CFAP43: variants seen among roughly 807,000 people sequenced by gnomAD.
The protein encoded by CFAP43 is cilia and flagella associated protein 43.
In CFAP43, 155 loss-of-function variants were observed where a neutral mutation model predicts 218.9. The observed-to-expected ratio is 0.71, with a 90% CI of 0.62 to 0.81. The LOEUF (loss-of-function observed/expected upper bound fraction) is 0.81. Among genes scored for constraint, CFAP43 ranks in the 30% least tolerant of loss-of-function variants. CFAP43 has a pLI of 0.00. For synonymous variants in CFAP43, 645 were observed against 681.3 expected, an observed-to-expected ratio of 0.95 and a Z score of 0.83; for missense variants, 1,778 against 1,954.3, an observed-to-expected ratio of 0.91 and a Z score of 1.70.
chr10:104,141,743 G>A (rs2087716184), intron 33 of CFAP43, among the ~76,000 whole-genome samples: 1 of 151,954 alleles, frequency 6.6e-6, no homozygotes, highest in African/African-American at 2.4e-5. Flanking sequence ...TCATATCCTC[G>A]CTATAGCCTA....
rs1209152722 is a variant in CFAP43, at chr10:104,172,438, T to C, written c.2558A>G (p.His853Arg). 1 of 1,609,970 alleles carries C rather than the reference T, an allele frequency of 6.2e-7. No individual in the cohort carries two copies. The highest frequency in any genetic ancestry group is 8.5e-7 in the Non-Finnish European group (1 of 1,179,032). The part of the protein sequence containing the change: ...GLDLEELERL[H>R]DESQEEVAKM... Reference sequence around the variant, plus strand: ...TGCCACTTCTTCCTGACTTTCATCATGAAGCCTTTCTAGTTCCTCAAGATC... The same window carrying C: ...TGCCACTTCTTCCTGACTTTCATCACGAAGCCTTTCTAGTTCCTCAAGATC... Residue 853 changes from histidine to arginine, a missense_variant, in exon 20 of 38, where the codon CAT becomes CGT. By Grantham distance (29) the His-to-Arg change is conservative (BLOSUM62 0). Around this residue, in one of 3 missense-constraint regions of CFAP43, gnomAD observed 1,553 missense variants for 1,685.2 expected, o/e 0.92. Transcript: ENST00000357060.
intron 28 of CFAP43, 95 bp downstream of exon 28, chr10:104,152,512 C>T: frequency 6.4e-7 from 1 of 1,554,340 alleles, no homozygotes; most frequent in South Asian, 1.2e-5. Context: ...CATACAAGAT[C>T]TTAGTACCTG....
intron 26 of CFAP43, 146 bp from the exon 27 acceptor site, chr10:104,161,308 AG>A: frequency 1.2e-6 from 1 of 853,162 alleles, no homozygotes; most frequent in South Asian, 2.0e-5. Context: ...CTTGGGCAAA[AG>A]ATATTTTAAA....
At position 104,130,099 on chromosome 10, in the gene CFAP43, T is replaced by G. The variant is rs1213491249; in HGVS notation, c.*40A>C. On this transcript the variant is annotated 3_prime_UTR_variant, in exon 38 of 38. Coordinates refer to ENST00000357060, the MANE Select transcript of CFAP43 (RefSeq NM_025145.7). ...ATTTTACCCAAATGAAATGATTTTTTAAATGATTGATTTGGCCTTGTGTTT... is the reference window on the plus strand; with the variant it reads ...ATTTTACCCAAATGAAATGATTTTTGAAATGATTGATTTGGCCTTGTGTTT... The G allele has an allele frequency of 2.6e-6, 4 of 1,536,256 alleles. No individual in the cohort carries two copies. Among genetic ancestry groups the G allele is most frequent in the African/African-American group, 1.4e-5 (1 of 71,002 alleles).
At chr10:104,206,862 G>A (rs557282083) in intron 6 of CFAP43, among the ~76,000 whole-genome samples, 2 of 152,232 alleles carry the variant, frequency 1.3e-5, no homozygotes, top group East Asian at 1.9e-4. Flanking sequence ...AATAGATCAG[G>A]TTATCTTTCA....
Position 104,161,169 on chromosome 10 carries a change from A to G in CFAP43, c.3415-7T>C. ...AAGCAGGTTGAGGAATCACCTGAAG[A>G]TATGAAGAAAAGCATATATTTCAGC... On this transcript the variant is annotated splice_region_variant and splice_polypyrimidine_tract_variant and intron_variant, in intron 26 of 37. Transcript: ENST00000357060. The G allele has an allele frequency of 6.2e-7, 1 of 1,612,578 alleles. No individual in the cohort carries two copies. Among genetic ancestry groups the G allele is most frequent in the Non-Finnish European group, 8.5e-7 (1 of 1,179,494 alleles).
intron 27 of CFAP43, among the ~76,000 whole-genome samples, chr10:104,157,251 A>T (rs1350573025): frequency 6.6e-6 from 1 of 152,090 alleles, no homozygotes; most frequent in Non-Finnish European, 1.5e-5. Flanking sequence ...GCAGGCCCAT[A>T]CCTTTTTCCT....
chr10:104,130,416 G>T, intron 37 of CFAP43, 111 bp from the exon 38 acceptor site: 1 of 1,234,706 alleles, frequency 8.1e-7, no homozygotes, highest in Non-Finnish European at 1.1e-6. Flanking sequence ...AAAGGCATAT[G>T]CACTTGTATG....
At chr10:104,213,899 A>G (rs2090937798) in intron 4 of CFAP43, among the ~76,000 whole-genome samples, 1 of 152,204 alleles carries the variant, frequency 6.6e-6, no homozygotes, top group African/African-American at 2.4e-5. Context: ...CATCTGAGTA[A>G]TAGCAAAAGT....
chr10:104,190,366 A>G (rs1288730543), intron 12 of CFAP43, among the ~76,000 whole-genome samples: 1 of 152,174 alleles, frequency 6.6e-6, no homozygotes, highest in East Asian at 1.9e-4. Flanking sequence ...ATATTTAGGC[A>G]GGATATACAT....
intron 11 of CFAP43, 39 bp downstream of exon 11, chr10:104,193,827 T>TG: frequency 6.3e-7 from 1 of 1,595,280 alleles, no homozygotes; most frequent in South Asian, 1.1e-5. Flanking sequence ...AACAGACGGG[T>TG]GTGACACGGA....
rs539763809 is a variant in CFAP43 at position 104,158,376 on chromosome 10, T to C, written c.3540+2661A>G. 3.9e-5 allele frequency among the ~76,000 whole-genome samples: 6 copies of C among 152,342 alleles called. No individual in the cohort carries two copies. In the South Asian group the frequency reaches 6.2e-4, roughly 16 times the overall value. The stretch of plus-strand genomic sequence containing the variant: ...TACTTAATGTTACCAACAGTGGGAC[T>C]GACTGAAATCTGGAACCTCCTGATA... On this transcript the variant is annotated intron_variant, in intron 27 of 37. Transcript: ENST00000357060.
chr10:104,206,130 G>T, intron 6 of CFAP43, 100 bp from the exon 7 acceptor site: 1 of 954,728 alleles, frequency 1.0e-6, no homozygotes, highest in Non-Finnish European at 1.6e-6. Context: ...AATCTTATAA[G>T]TTGTTTTTGA....
At chr10:104,182,249 T>G in intron 17 of CFAP43, 117 bp downstream of exon 17, 1 of 1,155,342 alleles carries the variant, frequency 8.7e-7, no homozygotes, top group Middle Eastern at 2.1e-4. Context: ...AATCATGGGA[T>G]ACCTGGATAA....
At chr10:104,182,624 C>T (rs946527408) in intron 16 of CFAP43, 111 bp from the exon 17 acceptor site, 1 of 1,054,320 alleles carries the variant, frequency 9.5e-7, no homozygotes, top group Non-Finnish European at 1.3e-6. Context: ...AGGTAACTAA[C>T]CAAGGAAATA....
At chr10:104,135,092 A>C (rs543101172) in intron 34 of CFAP43, among the ~76,000 whole-genome samples, 1 of 152,296 alleles carries the variant, frequency 6.6e-6, no homozygotes, top group South Asian at 2.1e-4. Context: ...ACAATATAAT[A>C]TACCTCATTA....
At chr10:104,167,246 C>G (rs926508674) in intron 22 of CFAP43, among the ~76,000 whole-genome samples, 13 of 152,120 alleles carry the variant, frequency 8.5e-5, no homozygotes, top group African/African-American at 3.1e-4. Context: ...ATAATTCCAT[C>G]AAAACAAATT....
intron 27 of CFAP43, among the ~76,000 whole-genome samples, chr10:104,153,080 A>G (rs1017587279): frequency 3.9e-5 from 6 of 152,260 alleles, no homozygotes; most frequent in South Asian, 2.1e-4. Flanking sequence ...TAGCCCTAAA[A>G]AATTTTTTAT....
At chr10:104,210,254 G>A (rs1016748782) in intron 5 of CFAP43, among the ~76,000 whole-genome samples, 1 of 152,214 alleles carries the variant, frequency 6.6e-6, no homozygotes, top group African/African-American at 2.4e-5. Context: ...ATTTAAAAAG[G>A]TGAATCATTG....
Sources: allele counts gnomAD v4.1 joint callset (sites outside exome capture counted in the v4.1 genomes callset), GRCh38; gene constraint gnomAD v4.1.1; regional missense constraint gnomAD v4.1.1; transcripts MANE v1.5; gene names NCBI Gene and HGNC (gene_info 2026-07-23, HGNC 2026-07-21).